EYS: variants seen among roughly 807,000 people sequenced by gnomAD.
The protein encoded by EYS is EGF-like photoreceptor maintenance factor.
A neutral mutation model predicts 282.1 loss-of-function variants in EYS; 250 were observed. The observed-to-expected ratio is 0.89, with a 90% confidence interval of 0.80 to 0.98. The LOEUF (loss-of-function observed/expected upper bound fraction) is 0.98. EYS is among the 50% of genes least tolerant of loss of function. The pLI, the probability that EYS is intolerant of heterozygous loss-of-function variation, is 0.00. For missense variants in EYS, 4,016 were observed against 3,709.0 expected, an observed-to-expected ratio of 1.08 and a Z score of -2.15; for synonymous variants, 1,355 against 1,282.9, an observed-to-expected ratio of 1.06 and a Z score of -1.20.
At chr6:64,232,320 A>T (rs914990887) in intron 30 of EYS, among the ~76,000 whole-genome samples, 1 of 149,372 alleles carries the variant, frequency 6.7e-6, no homozygotes, top group African/African-American at 2.5e-5. Flanking sequence ...TCTCCAGTAA[A>T]TATTGTATAA....
At chr6:65,657,087 A>C (rs570371728) in intron 1 of EYS, among the ~76,000 whole-genome samples, 1 of 151,814 alleles carries the variant, frequency 6.6e-6, no homozygotes. Flanking sequence ...TGATTTACTG[A>C]CTATGTTAAG....
intron 12 of EYS, among the ~76,000 whole-genome samples, chr6:65,282,936 A>C (rs759989312): frequency 6.6e-6 from 1 of 151,944 alleles, no homozygotes; most frequent in Non-Finnish European, 1.5e-5. Context: ...GTAATTTAGC[A>C]TATTTTCTCC....
chr6:64,988,271 T>A (rs1770933937), intron 14 of EYS, among the ~76,000 whole-genome samples: 1 of 151,510 alleles, frequency 6.6e-6, no homozygotes, highest in South Asian at 2.1e-4. Context: ...TTGCTTTGTG[T>A]CTATCAGATG....
intron 12 of EYS, among the ~76,000 whole-genome samples, chr6:65,085,693 A>G (rs1335017181): frequency 6.6e-6 from 1 of 152,128 alleles, no homozygotes; most frequent in African/African-American, 2.4e-5. Flanking sequence ...CACAACTCAG[A>G]TATCTTAACT....
chr6:64,670,678 G>A (rs923900166), intron 22 of EYS, among the ~76,000 whole-genome samples: 5 of 152,034 alleles, frequency 3.3e-5, no homozygotes, highest in African/African-American at 1.2e-4. Flanking sequence ...ACTACCCTTC[G>A]TCTGCTAACA....
intron 29 of EYS, among the ~76,000 whole-genome samples, chr6:64,359,863 T>G (rs1012722344): frequency 1.3e-5 from 2 of 151,706 alleles, no homozygotes; most frequent in Non-Finnish European, 3.0e-5. Flanking sequence ...CTTGGACATA[T>G]GAATTTTGAG....
chr6:65,512,954 G>A (rs999830833), intron 2 of EYS, among the ~76,000 whole-genome samples: 6 of 152,062 alleles, frequency 3.9e-5, no homozygotes, highest in African/African-American at 1.2e-4. Context: ...CAGAACTGAA[G>A]GAAACAGAGA....
intron 5 of EYS, among the ~76,000 whole-genome samples, chr6:65,425,631 T>C (rs543065982): frequency 6.6e-6 from 1 of 152,288 alleles, no homozygotes; most frequent in South Asian, 2.1e-4. Flanking sequence ...TGACTTCTTC[T>C]TATGAGGTTA....
chr6:64,839,055 T>C (rs541564159), intron 19 of EYS, among the ~76,000 whole-genome samples: 16 of 152,166 alleles, frequency 1.1e-4, no homozygotes, highest in African/African-American at 3.6e-4. Context: ...TATATTTTAT[T>C]CATAACAGAA....
intron 2 of EYS, among the ~76,000 whole-genome samples, chr6:65,573,886 T>A (rs1482465721): frequency 5.3e-5 from 8 of 152,160 alleles, no homozygotes; most frequent in Non-Finnish European, 8.8e-5. Context: ...GTTACTAATG[T>A]GGCAGTGTAA....
At chr6:65,162,268 G>A (rs1424802966) in intron 12 of EYS, among the ~76,000 whole-genome samples, 1 of 150,896 alleles carries the variant, frequency 6.6e-6, no homozygotes, top group Non-Finnish European at 1.5e-5. Flanking sequence ...ATAATCCATG[G>A]GTCAGCTTTT....
chr6:64,541,106 G>T (rs1177207438), intron 26 of EYS, among the ~76,000 whole-genome samples: 1 of 152,152 alleles, frequency 6.6e-6, no homozygotes, highest in African/African-American at 2.4e-5. Flanking sequence ...CCTAAACACA[G>T]AATTAGTTTT....
At chr6:64,798,970 T>C (rs929969879) in intron 22 of EYS, among the ~76,000 whole-genome samples, 4 of 151,916 alleles carry the variant, frequency 2.6e-5, no homozygotes, top group Admixed American at 6.6e-5. Context: ...ACCTTGATCA[T>C]TGCAGTACTT....
At position 65,098,923 on chromosome 6, in the gene EYS, A is replaced by G. The variant is rs147984551; in HGVS notation, c.2024-41196T>C. Among the ~76,000 whole-genome samples, 4 of 150,892 alleles carry G rather than the reference A, an allele frequency of 2.7e-5. No individual in the cohort carries two copies. The East Asian group carries it at 7.8e-4, about 29-fold the overall frequency. Reference sequence around the variant, plus strand: ...AAAAAAATAATAACAATTTTTTCATATATGCAAAGAATAGCAGAGTACATA... The same window carrying G: ...AAAAAAATAATAACAATTTTTTCATGTATGCAAAGAATAGCAGAGTACATA... On this transcript the variant is annotated intron_variant, in intron 12 of 42. Coordinates refer to ENST00000503581, the MANE Select transcript of EYS (RefSeq NM_001142800.2).
chr6:63,757,191 T>G (rs71570651), intron 41 of EYS, among the ~76,000 whole-genome samples: 8,073 of 152,062 alleles, frequency 0.053, 272 homozygotes, highest in Non-Finnish European at 0.084. Context: ...TGTTGATAAT[T>G]AAGACCCTGG....
At chr6:64,705,482 A>T (rs1770971803) in intron 22 of EYS, among the ~76,000 whole-genome samples, 1 of 152,030 alleles carries the variant, frequency 6.6e-6, no homozygotes, top group Admixed American at 6.6e-5. Flanking sequence ...AAAATCCTAA[A>T]ATTCATATGG....
intron 21 of EYS, among the ~76,000 whole-genome samples, chr6:64,819,027 T>C (rs1280353472): frequency 6.6e-6 from 1 of 152,322 alleles, no homozygotes; most frequent in East Asian, 1.9e-4. Flanking sequence ...TGCCCTATAT[T>C]GACCCGAGTG....
intron 22 of EYS, among the ~76,000 whole-genome samples, chr6:64,662,543 T>C (rs1204852506): frequency 1.3e-5 from 2 of 152,124 alleles, no homozygotes; most frequent in African/African-American, 4.8e-5. Context: ...ATCCAGCAAA[T>C]ATTATTCTGA....
At chr6:65,161,588 T>TA (rs1281033693) in intron 12 of EYS, among the ~76,000 whole-genome samples, 1 of 151,128 alleles carries the variant, frequency 6.6e-6, no homozygotes, top group Non-Finnish European at 1.5e-5. Context: ...AAAGGAAAGA[T>TA]AAAGCATTTG....
Sources: gnomAD v4.1 joint callset for allele counts (sites outside exome capture counted in the v4.1 genomes callset) on GRCh38, gnomAD v4.1.1 for gene constraint, MANE v1.5 for transcripts, NCBI Gene and HGNC (gene_info 2026-07-23, HGNC 2026-07-21) for gene names.